Variants in CEACAM19 observed in about 807,000 individuals in gnomAD.
CEACAM19 encodes the protein cell adhesion molecule CEACAM19.
Under a neutral mutation model 37.6 loss-of-function variants are expected in CEACAM19, and 37 were observed. The observed-to-expected ratio is 0.98, with a 90% CI of 0.76 to 1.29. The LOEUF is 1.29. Ranked by LOEUF, CEACAM19 falls within the 50% of genes most tolerant of loss-of-function variation. The pLI, the probability that CEACAM19 is intolerant of heterozygous loss-of-function variation, is 0.00. For missense variants in CEACAM19, 340 were observed against 375.6 expected (o/e 0.91, Z 0.78); for synonymous variants, 140 against 149.8 (o/e 0.93, Z 0.48).
At chr19:44,665,905 A>G (rs1973704360) in intron 1 of CEACAM19, 1 of 152,176 alleles carries the variant, frequency 6.6e-6, no homozygotes, top group African/African-American at 2.4e-5. Flanking sequence ...TTCCGGTCTC[A>G]TTCACCAGCG....
rs748193479 is a variant in CEACAM19, at chr19:44,682,624, TGGAGCTG to T, written c.846+16_846+22del. ...GCCAGAGAACCACCAGTACCAGGTA[TGGAGCTG>T]GGAGCTGGGAGGGGTGGTGGGGATC... On this transcript the variant is annotated splice_donor_5th_base_variant and intron_variant, in intron 7 of 7. Transcript: ENST00000358777. 8 of 1,600,064 alleles carry T rather than the reference TGGAGCTG, an allele frequency of 5.0e-6. No homozygotes were observed. The highest frequency in any genetic ancestry group is 3.4e-5 in the South Asian group (3 of 88,640).
chr19:44,682,342 G>C (rs763073780), intron 6 of CEACAM19, among the ~76,000 whole-genome samples: 3 of 152,214 alleles, frequency 2.0e-5, no homozygotes, highest in Non-Finnish European at 4.4e-5. Flanking sequence ...GAGAGTTAAT[G>C]GAGTGGTTGA....
intron 2 of CEACAM19, 133 bp downstream of exon 2, chr19:44,673,097 T>C (rs1973886434): frequency 4.6e-6 from 3 of 647,894 alleles, no homozygotes; most frequent in East Asian, 3.1e-5. Context: ...GAGCATCTAC[T>C]GTGTACCAAT....
At chr19:44,668,468 ATAAT>A (rs1973787157), upstream of CEACAM19, among the ~76,000 whole-genome samples, 1 of 70,008 alleles carries the variant, frequency 1.4e-5, no homozygotes, top group Non-Finnish European at 2.4e-5. Context: ...TATAATATAT[ATAAT>A]ATAATATATA....
At chr19:44,674,376 C>T (rs1266574622) in intron 2 of CEACAM19, among the ~76,000 whole-genome samples, 2 of 151,176 alleles carry the variant, frequency 1.3e-5, no homozygotes, top group African/African-American at 4.9e-5. Context: ...ACTGATATTG[C>T]TCAGGCTGGT....
rs781572101 is a variant in CEACAM19 at position 44,681,282 on chromosome 19, C to T, written c.762C>T (p.Ile254=). ...CTCCAGTCCTCCTGGTGTCCCCCAT[C>T]AGTGACACAAGGTCCATAAACCCAG... ...MPSPVLLVSP[I]SDTRSINPAR... The change falls in exon 6 of 8, where the codon ATC becomes ATT. Residue 254 remains isoleucine (I), a synonymous_variant. Coordinates refer to ENST00000358777, the MANE Select transcript of CEACAM19 (RefSeq NM_001127893.3). 1 of 1,614,034 alleles carries T rather than the reference C, an allele frequency of 6.2e-7. No homozygotes were observed. The highest frequency in any genetic ancestry group is 1.7e-5 in the Admixed American group (1 of 60,012).
intron 7 of CEACAM19, 37 bp downstream of exon 7, chr19:44,682,657 C>T: frequency 6.4e-7 from 1 of 1,568,482 alleles, no homozygotes; most frequent in Non-Finnish European, 8.6e-7. Context: ...GGTGGGGATC[C>T]CACGGATCCA....
chr19:44,680,653 C>T (rs941794796), intron 5 of CEACAM19, among the ~76,000 whole-genome samples: 1 of 152,062 alleles, frequency 6.6e-6, no homozygotes, highest in Non-Finnish European at 1.5e-5. Context: ...GCCTCCAGAC[C>T]CCTCCAACCC....
At chr19:44,667,858 TA>T (rs1184451738), upstream of CEACAM19, among the ~76,000 whole-genome samples, 1 of 70,930 alleles carries the variant, frequency 1.4e-5, no homozygotes, top group Non-Finnish European at 2.4e-5. Context: ...ACAATATATA[TA>T]AATTATATAT....
upstream of CEACAM19, among the ~76,000 whole-genome samples, chr19:44,667,848 A>AAAATATATATAAATTATATATAATATAT (rs1973758446): frequency 1.5e-5 from 1 of 68,722 alleles, no homozygotes; most frequent in African/African-American, 7.0e-5. Context: ...TATAATATAT[A>AAAATATATATAAATTATATATAATATAT]CAATATATAT....
chr19:44,683,548 C>A lies in CEACAM19; in HGVS notation c.*58C>A. ...CAAGGCCCCAGCCCTCCTCTGGGAGCCTCACACCTGAGACCAGCAGGACAA... is the reference window on the plus strand; with the variant it reads ...CAAGGCCCCAGCCCTCCTCTGGGAGACTCACACCTGAGACCAGCAGGACAA... On this transcript the variant is annotated 3_prime_UTR_variant, in exon 8 of 8. Coordinates refer to ENST00000358777, the MANE Select transcript of CEACAM19 (RefSeq NM_001127893.3). 8.7e-7 allele frequency: 1 copy of A among 1,155,522 alleles called. No individual in the cohort carries two copies. Among genetic ancestry groups the A allele is most frequent in the South Asian group, 1.6e-5 (1 of 62,364 alleles). 71.6% of individuals were successfully genotyped at this position (1,155,522 alleles called of 1,614,324 possible).
In CEACAM19 at chr19:44,683,504, A is replaced by G; in HGVS notation, c.*14A>G. On this transcript the variant is annotated 3_prime_UTR_variant, in exon 8 of 8. Coordinates refer to ENST00000358777, the MANE Select transcript of CEACAM19 (RefSeq NM_001127893.3). ...CCAACTTCCTGATGGGTCCTGGGCC[A>G]GGCCAGCCAGGGAGAAGACAAGGCC... 1 of 1,513,338 alleles carries G rather than the reference A, an allele frequency of 6.6e-7. No individual in the cohort carries two copies. The highest frequency in any genetic ancestry group is 2.0e-5 in the Admixed American group (1 of 49,314). 93.7% of individuals were successfully genotyped at this position (1,513,338 alleles called of 1,614,324 possible).
chr19:44,682,491 TGTCCTAGCACCAAAG>T, intron 6 of CEACAM19, 61 bp from the exon 7 acceptor site: 2 of 1,435,118 alleles, frequency 1.4e-6, no homozygotes, highest in Non-Finnish European at 1.9e-6. Flanking sequence ...AATCTGAGAC[TGTCCTAGCACCAAAG>T]GTCAAAGTTT....
chr19:44,667,477 G>A (rs1224219829), upstream of CEACAM19, among the ~76,000 whole-genome samples: 2 of 143,428 alleles, frequency 1.4e-5, no homozygotes, highest in Non-Finnish European at 3.0e-5. Context: ...TTTAATTTTA[G>A]TTACTTTGAA....
In CEACAM19 at chr19:44,683,443, C is replaced by A; in HGVS notation, c.853C>A (p.Leu285Ile). The change falls in exon 8 of 8, where the codon CTA (leucine) becomes ATA (isoleucine). Residue 285 changes from leucine to isoleucine, a missense_variant. Leu to Ile is a conservative substitution (Grantham distance 5). Transcript: ENST00000358777. ...EPENHQYQDLLNPDPAPYCQL... is the reference protein window; with the variant it reads ...EPENHQYQDLINPDPAPYCQL... ...CTCTCTTCCCCCCAAGCAGGACCTG[C>A]TAAACCCCGACCCTGCCCCCTACTG... 1.3e-6 allele frequency: 2 copies of A among 1,558,374 alleles called. No individual in the cohort carries two copies. Among genetic ancestry groups the A allele is most frequent in the South Asian group, 2.4e-5 (2 of 84,268 alleles).
upstream of CEACAM19, chr19:44,666,828 A>C: frequency 6.6e-6 from 1 of 151,712 alleles, no homozygotes; most frequent in African/African-American, 2.4e-5. Flanking sequence ...GGTGGGGCAA[A>C]TCCAAAGACA....
upstream of CEACAM19, among the ~76,000 whole-genome samples, chr19:44,668,755 ATAAT>A (rs1214570754): frequency 0.029 from 2,862 of 99,392 alleles, 461 homozygotes; most frequent in African/African-American, 0.13. Context: ...ATAATATAAT[ATAAT>A]ATATATAATA....
upstream of CEACAM19, among the ~76,000 whole-genome samples, chr19:44,667,730 T>TA (rs1555767214): frequency 1.3e-5 from 1 of 74,282 alleles, no homozygotes; most frequent in African/African-American, 6.1e-5. Context: ...AATTATATAT[T>TA]TATATATATA....
At chr19:44,666,601 T>C (rs1159770303), upstream of CEACAM19, among the ~76,000 whole-genome samples, 2 of 151,706 alleles carry the variant, frequency 1.3e-5, no homozygotes, top group African/African-American at 4.8e-5. Context: ...ACCTGGGAGG[T>C]GGAGGTTGCA....
Sources: gnomAD v4.1 joint callset for allele counts (sites outside exome capture counted in the v4.1 genomes callset) on GRCh38, gnomAD v4.1.1 for gene constraint, MANE v1.5 for transcripts, NCBI Gene and HGNC (gene_info 2026-07-23, HGNC 2026-07-21) for gene names.